The following SNRNP70 variants were observed in gnomAD, a reference collection of about 807,000 sequenced individuals.
SNRNP70 encodes U1 small nuclear ribonucleoprotein 70 kDa.
A neutral mutation model predicts 50.5 loss-of-function variants in SNRNP70; 8 were observed. That is an observed-to-expected ratio of 0.16 (90% CI 0.09 to 0.29). SNRNP70 has a LOEUF of 0.29. SNRNP70 is among the 10% of genes least tolerant of loss of function. SNRNP70 has a pLI of 1.00. For synonymous variants in SNRNP70, 320 were observed against 252.9 expected, an observed-to-expected ratio of 1.27 and a Z score of -2.52; for missense variants, 529 against 663.5, an observed-to-expected ratio of 0.80 and a Z score of 2.23.
intron 7 of SNRNP70, chr19:49,103,254 A>G (rs905732856): frequency 1.3e-5 from 2 of 151,228 alleles, no homozygotes; most frequent in Admixed American, 1.3e-4. Context: ...TCCAGCGCCC[A>G]GCTTGGATGA....
chr19:49,086,517 A>G lies in SNRNP70; in HGVS notation c.103A>G (p.Asn35Asp). 4 of 1,614,008 alleles carry G rather than the reference A, an allele frequency of 2.5e-6. No individual in the cohort carries two copies. The highest frequency in any genetic ancestry group is 3.4e-6 in the Non-Finnish European group (4 of 1,179,984). Residue 35 changes from asparagine (N) to aspartate (D), a missense_variant, in exon 2 of 10, where the codon AAT (asparagine) becomes GAT (aspartate). Asn to Asp is a conservative substitution (Grantham distance 23). Transcript: ENST00000598441. ...LEKLPHEKHH[N>D]QPYCGIAPYI... Reference sequence around the variant, plus strand: ...GAAACTGCCACATGAAAAACACCACAATCAACCTTATTGTGGCATTGCGCC... The same window carrying G: ...GAAACTGCCACATGAAAAACACCACGATCAACCTTATTGTGGCATTGCGCC...
At chr19:49,097,534 A>G (rs532796759) in intron 4 of SNRNP70, among the ~76,000 whole-genome samples, 1 of 152,272 alleles carries the variant, frequency 6.6e-6, no homozygotes, top group East Asian at 1.9e-4. Flanking sequence ...TCTGGCATAA[A>G]TGGGTTAATG....
chr19:49,091,899 C>T (rs35993293), intron 4 of SNRNP70, among the ~76,000 whole-genome samples: 2,894 of 152,240 alleles, frequency 0.019, 34 homozygotes, highest in Middle Eastern at 0.044. Context: ...TCAGCTGTGC[C>T]GGTCATGACC....
chr19:49,086,703 T>A, intron 2 of SNRNP70, 142 bp downstream of exon 2: 1 of 803,296 alleles, frequency 1.2e-6, no homozygotes, highest in Non-Finnish European at 2.1e-6. Flanking sequence ...TTCTCTGTTT[T>A]AAATGGGGTT....
chr19:49,094,168 G>A (rs1600277663), intron 4 of SNRNP70, among the ~76,000 whole-genome samples: 1 of 152,022 alleles, frequency 6.6e-6, no homozygotes, highest in East Asian at 1.9e-4. Flanking sequence ...ATGTTTAAAA[G>A]CCTTTGTTAG....
At chr19:49,105,147 G>A (rs912264809) in intron 8 of SNRNP70, among the ~76,000 whole-genome samples, 1 of 152,048 alleles carries the variant, frequency 6.6e-6, no homozygotes, top group African/African-American at 2.4e-5. Flanking sequence ...TGTTGCTCTT[G>A]TTCACTCTTT....
Position 49,098,797 on chromosome 19 carries a change from T to C in SNRNP70, c.393+93T>C, listed in dbSNP as rs974913922. ...GGGAGAGAGGTCCCAGCCCTGAGCA[T>C]GGCTCACACCATTTCAGGGCCTGGA... On this transcript the variant is annotated intron_variant, in intron 6 of 9. Transcript: ENST00000598441. The C allele has an allele frequency of 7.1e-6, 7 of 991,312 alleles. No homozygotes were observed. The African/African-American group carries it at 1.1e-4, about 16-fold the overall frequency. The allele number at this position is 991,312 out of a possible 1,614,324, so 61.4% of individuals were successfully genotyped here. A position where few individuals can be genotyped will look rare whatever the true frequency, so the allele number is the denominator to read the frequency against.
At chr19:49,099,791 C>G (rs1257599950) in intron 6 of SNRNP70, among the ~76,000 whole-genome samples, 1 of 151,676 alleles carries the variant, frequency 6.6e-6, no homozygotes, top group African/African-American at 2.4e-5. Context: ...GCCTGTAATC[C>G]CACATGTTGG....
At chr19:49,086,031 C>G (rs1230449265) in intron 1 of SNRNP70, among the ~76,000 whole-genome samples, 3 of 152,170 alleles carry the variant, frequency 2.0e-5, no homozygotes, top group Non-Finnish European at 1.5e-5. Flanking sequence ...CAAACTGCAT[C>G]TCGTAATTTG....
chr19:49,108,353 C>T lies in SNRNP70; in HGVS notation c.1224C>T (p.Asn408=), dbSNP rs747057433. 62 of 1,607,826 alleles carry T rather than the reference C, an allele frequency of 3.9e-5. No homozygotes were observed. Among genetic ancestry groups the T allele is most frequent in the Middle Eastern group, 1.6e-4 (1 of 6,082 alleles). Residue 408 remains asparagine (N), a synonymous_variant, in exon 10 of 10, where the codon AAC becomes AAT. Transcript: ENST00000598441. ...ACAACGGGCTGGAGGGTCTGGGCAA[C>T]GACAGCCGAGACATGTACATGGAGT... ...GQDNGLEGLG[N]DSRDMYMESE... is the part of the protein sequence containing the mutation.
chr19:49,104,590 C>T lies in SNRNP70; in HGVS notation c.476-44C>T, dbSNP rs747908453. ...CTGGGCCTGTCCTGACTAGAGGACC[C>T]TCTGGGGACTCCTCTCCCCTCCCCC... On this transcript the variant is annotated intron_variant, in intron 7 of 9. Coordinates refer to ENST00000598441, the MANE Select transcript of SNRNP70 (RefSeq NM_003089.6). This position sits in a 1 kb window ranked among gnomAD's most constrained non-coding sequence, Gnocchi z 5.4. 19 of 1,454,862 alleles carry T rather than the reference C, an allele frequency of 1.3e-5. No individual in the cohort carries two copies. The highest frequency in any genetic ancestry group is 1.7e-5 in the Non-Finnish European group (18 of 1,059,728). The allele number at this position is 1,454,862 out of a possible 1,614,324, so 90.1% of individuals were successfully genotyped here. A position where few individuals can be genotyped will look rare whatever the true frequency, so the allele number is the denominator to read the frequency against.
intron 2 of SNRNP70, among the ~76,000 whole-genome samples, chr19:49,089,457 A>G (rs1600271580): frequency 6.6e-6 from 1 of 151,878 alleles, no homozygotes; most frequent in African/African-American, 2.4e-5. Flanking sequence ...AGCCTGGGCA[A>G]CAGACCACAA....
Position 49,108,596 on chromosome 19 carries a change from T to G in SNRNP70, c.*153T>G. 2 of 1,047,224 alleles carry G rather than the reference T, an allele frequency of 1.9e-6. No individual in the cohort carries two copies. The highest frequency in any genetic ancestry group is 2.7e-6 in the Non-Finnish European group (2 of 748,000). 64.9% of individuals were successfully genotyped at this position (1,047,224 alleles called of 1,614,324 possible). A position where few individuals can be genotyped will look rare whatever the true frequency, so the allele number is the denominator to read the frequency against. On this transcript the variant is annotated 3_prime_UTR_variant, in exon 10 of 10. Coordinates refer to ENST00000598441, the MANE Select transcript of SNRNP70 (RefSeq NM_003089.6). ...CTTGGATTTAAAAATAAAATTAATT[T>G]CCTGTTGATAGTGGGCACCTCGGTT...
At chr19:49,096,150 C>T (rs2040510589) in intron 4 of SNRNP70, among the ~76,000 whole-genome samples, 1 of 151,828 alleles carries the variant, frequency 6.6e-6, no homozygotes, top group African/African-American at 2.4e-5. Context: ...CTCCACCTCC[C>T]AGATTCAAGC....
intron 2 of SNRNP70, among the ~76,000 whole-genome samples, chr19:49,088,636 A>C (rs2040412677): frequency 6.6e-6 from 1 of 151,120 alleles, no homozygotes; most frequent in Non-Finnish European, 1.5e-5. Flanking sequence ...AGCTGGGATT[A>C]CAGGCACGCG....
intron 2 of SNRNP70, among the ~76,000 whole-genome samples, chr19:49,089,685 C>T (rs1194672182): frequency 5.5e-5 from 5 of 91,006 alleles, no homozygotes; most frequent in East Asian, 7.8e-4. Flanking sequence ...TTTTTTGAGA[C>T]GGAATCTTGC....
chr19:49,085,672 G>A, intron 1 of SNRNP70, 36 bp downstream of exon 1: 1 of 455,374 alleles, frequency 2.2e-6, no homozygotes, highest in Non-Finnish European at 4.4e-6. Context: ...GACGGGGTGC[G>A]GGGCCGCTAC....
At chr19:49,106,103 G>A (rs531763063) in intron 8 of SNRNP70, among the ~76,000 whole-genome samples, 2 of 152,308 alleles carry the variant, frequency 1.3e-5, no homozygotes, top group African/African-American at 2.4e-5. Flanking sequence ...TCCTGGCTCT[G>A]GACTCGCCTG....
chr19:49,104,455 G>A lies in SNRNP70; in HGVS notation c.476-179G>A. On this transcript the variant is annotated intron_variant, in intron 7 of 9. Coordinates refer to ENST00000598441, the MANE Select transcript of SNRNP70 (RefSeq NM_003089.6). This position sits in a 1 kb window ranked among gnomAD's most constrained non-coding sequence, Gnocchi z 5.4. ...AGGAAGCAGACGCTGAGATGGAGCAGGCCCTTCACCGGTTTGGGAGAGGGT... is the reference window on the plus strand; with the variant it reads ...AGGAAGCAGACGCTGAGATGGAGCAAGCCCTTCACCGGTTTGGGAGAGGGT... 1.7e-6 allele frequency: 1 copy of A among 602,612 alleles called. No individual in the cohort carries two copies. The highest frequency in any genetic ancestry group is 1.9e-5 in the South Asian group (1 of 52,712). The allele number at this position is 602,612 out of a possible 1,614,324, so 37.3% of individuals were successfully genotyped here. A position where few individuals can be genotyped will look rare whatever the true frequency, so the allele number is the denominator to read the frequency against.
Sources: allele counts gnomAD v4.1 joint callset (sites outside exome capture counted in the v4.1 genomes callset), GRCh38; gene constraint gnomAD v4.1.1; non-coding constraint Gnocchi (gnomAD v3.1); transcripts MANE v1.5; gene names NCBI Gene and HGNC (gene_info 2026-07-23, HGNC 2026-07-21).